The following GPC5 variants were observed in gnomAD, a reference collection of about 807,000 sequenced individuals.
GPC5 encodes the protein glypican-5.
In GPC5, 47 loss-of-function variants were observed where a neutral mutation model predicts 53.9. That is an observed-to-expected ratio of 0.87 (90% CI 0.69 to 1.11). The LOEUF (loss-of-function observed/expected upper bound fraction) is 1.11. Among genes scored for constraint, GPC5 ranks in the 50% most tolerant of loss-of-function variants. GPC5 has a pLI of 0.00. For missense variants in GPC5, 748 were observed against 713.1 expected, an observed-to-expected ratio of 1.05 and a Z score of -0.56; for synonymous variants, 286 against 263.3, an observed-to-expected ratio of 1.09 and a Z score of -0.84.
chr13:91,450,767 A>G (rs1315313399), intron 2 of GPC5, among the ~76,000 whole-genome samples: 1 of 152,082 alleles, frequency 6.6e-6, no homozygotes, highest in African/African-American at 2.4e-5. Context: ...ACATTCTTAA[A>G]TATGATTTTT....
At chr13:91,420,803 G>C (rs1878567316) in intron 1 of GPC5, among the ~76,000 whole-genome samples, 1 of 152,144 alleles carries the variant, frequency 6.6e-6, no homozygotes, top group Non-Finnish European at 1.5e-5. Flanking sequence ...TCTCTCTCTG[G>C]TTGCCTTGTG....
chr13:92,586,096 A>T (rs1335566281), intron 7 of GPC5, among the ~76,000 whole-genome samples: 1 of 152,206 alleles, frequency 6.6e-6, no homozygotes, highest in Non-Finnish European at 1.5e-5. Flanking sequence ...TATTGTGAAC[A>T]TGCAACTCGT....
chr13:92,396,826 G>T lies in GPC5; in HGVS notation c.1561+251837G>T, dbSNP rs188499612. 3.9e-5 allele frequency among the ~76,000 whole-genome samples: 6 copies of T among 152,300 alleles called. No individual in the cohort carries two copies. The East Asian group carries it at 1.2e-3, about 29-fold the overall frequency. On this transcript the variant is annotated intron_variant, in intron 7 of 7. Transcript: ENST00000377067. ...TTCTCTGGACTGTGACCTTTGCATA[G>T]CTCCTTATCCCACTTTGGTGAGACA... is the stretch of plus-strand genomic sequence containing the variant.
intron 5 of GPC5, among the ~76,000 whole-genome samples, chr13:91,770,376 A>G (rs889636972): frequency 2.0e-5 from 3 of 152,152 alleles, no homozygotes; most frequent in South Asian, 2.1e-4. Flanking sequence ...GATTAACTCC[A>G]TTCCCAGCCC....
At chr13:91,669,593 G>T (rs575760429) in intron 2 of GPC5, among the ~76,000 whole-genome samples, 14 of 152,202 alleles carry the variant, frequency 9.2e-5, no homozygotes, top group Non-Finnish European at 2.1e-4. Flanking sequence ...TTACTGAGAC[G>T]ATAACAGCTG....
chr13:92,488,375 A>G (rs760185998), intron 7 of GPC5, among the ~76,000 whole-genome samples: 3 of 152,170 alleles, frequency 2.0e-5, no homozygotes, highest in Non-Finnish European at 2.9e-5. Context: ...CTTCAGATCC[A>G]CTTCATTTCC....
In GPC5 at chr13:92,277,128, A is replaced by G. The variant is rs956062754; in HGVS notation, c.1561+132139A>G. On this transcript the variant is annotated intron_variant, in intron 7 of 7. Coordinates refer to ENST00000377067, the MANE Select transcript of GPC5 (RefSeq NM_004466.6). ...TTTTGCCTTATTTCTTACCATTATT[A>G]TTATTATTAAGTAATATAACATTGA... Among the ~76,000 whole-genome samples the G allele has an allele frequency of 3.3e-5, 5 of 151,990 alleles. No homozygotes were observed. The East Asian group carries it at 5.8e-4, about 18-fold the overall frequency.
At chr13:91,511,766 T>C (rs1594189505) in intron 2 of GPC5, among the ~76,000 whole-genome samples, 1 of 152,150 alleles carries the variant, frequency 6.6e-6, no homozygotes, top group African/African-American at 2.4e-5. Context: ...TATCTACCCT[T>C]TCTATTATAT....
chr13:91,408,845 G>A (rs1024352885), intron 1 of GPC5, among the ~76,000 whole-genome samples: 8 of 151,806 alleles, frequency 5.3e-5, no homozygotes, highest in Non-Finnish European at 1.0e-4. Context: ...AATAATCTTC[G>A]CAGCTATTTT....
chr13:92,602,193 TATAA>T (rs1179580693), intron 7 of GPC5, among the ~76,000 whole-genome samples: 7 of 139,662 alleles, frequency 5.0e-5, no homozygotes, highest in African/African-American at 1.9e-4. Context: ...ATTACATATA[TATAA>T]ATATATATAT....
At position 91,399,119 on chromosome 13, in the gene GPC5, G is replaced by A. The variant is rs1264953563; in HGVS notation, c.73G>A (p.Glu25Lys). 2 of 1,610,708 alleles carry A rather than the reference G, an allele frequency of 1.2e-6. No homozygotes were observed. Among genetic ancestry groups the A allele is most frequent in the Non-Finnish European group, 1.7e-6 (2 of 1,178,630 alleles). Residue 25 changes from glutamate (E) to lysine (K), a missense_variant, in exon 1 of 8, where the codon GAG (glutamate) becomes AAG (lysine). Coordinates refer to ENST00000377067, the MANE Select transcript of GPC5 (RefSeq NM_004466.6). ...LLALVGSARS[E>K]GVQTCEEVRK... ...GGCCCTGGTTGGGTCCGCCCGCAGC[G>A]AGGGCGTGCAGACCTGCGAAGAAGT...
In GPC5 at chr13:92,747,007, G is replaced by A. The variant is rs117349244; in HGVS notation, c.1562-119275G>A. Among the ~76,000 whole-genome samples the A allele has an allele frequency of 7.0e-3, 1,068 of 152,158 alleles. 37 individuals carry two copies. Among genetic ancestry groups the A allele is most frequent in the Admixed American group, 0.045 (681 of 15,268 alleles). On this transcript the variant is annotated intron_variant, in intron 7 of 7. Coordinates refer to ENST00000377067, the MANE Select transcript of GPC5 (RefSeq NM_004466.6). ...ACAGCAAGTTACTACATTACATAGC[G>A]CAGGCAATTGTAACACAATGGTATT...
At chr13:92,126,954 T>A (rs1237871977) in intron 6 of GPC5, among the ~76,000 whole-genome samples, 1 of 152,148 alleles carries the variant, frequency 6.6e-6, no homozygotes, top group East Asian at 1.9e-4. Flanking sequence ...TCCATCAATA[T>A]TTAAGTGCAA....
At chr13:91,597,029 G>T (rs1191790878) in intron 2 of GPC5, among the ~76,000 whole-genome samples, 1 of 152,022 alleles carries the variant, frequency 6.6e-6, no homozygotes, top group Non-Finnish European at 1.5e-5. Flanking sequence ...AAATCTTCCT[G>T]GCTCTGCATG....
intron 7 of GPC5, among the ~76,000 whole-genome samples, chr13:92,804,169 A>G (rs1368716888): frequency 6.6e-6 from 1 of 151,996 alleles, no homozygotes; most frequent in Non-Finnish European, 1.5e-5. Flanking sequence ...TTGTCCTGTA[A>G]TATTTAGTGC....
rs1185653440 is a variant in GPC5 at position 91,636,437 on chromosome 13, A to ATATACACG, written c.326-56749_326-56748insATACACGT. ...ATACACGTGTGTGCAGTGTGTGTGT[A>ATATACACG]TTTGTGTGTGTGTATTTGTGTGTAT... On this transcript the variant is annotated intron_variant, in intron 2 of 7. Coordinates refer to ENST00000377067, the MANE Select transcript of GPC5 (RefSeq NM_004466.6). 7.8e-3 allele frequency among the ~76,000 whole-genome samples: 1,183 copies of ATATACACG among 151,494 alleles called. 17 individuals are homozygous for ATATACACG. The highest frequency in any genetic ancestry group is 0.027 in the African/African-American group (1,106 of 41,218).
intron 7 of GPC5, among the ~76,000 whole-genome samples, chr13:92,545,933 C>G (rs966458306): frequency 6.6e-6 from 1 of 152,138 alleles, no homozygotes; most frequent in Non-Finnish European, 1.5e-5. Flanking sequence ...AATTAGATCC[C>G]ATTTGTCAAT....
chr13:92,091,494 A>T (rs1350810643), intron 6 of GPC5, among the ~76,000 whole-genome samples: 2 of 151,942 alleles, frequency 1.3e-5, no homozygotes, highest in African/African-American at 4.8e-5. Flanking sequence ...TTTATAAATG[A>T]ACAACGCATT....
chr13:92,729,402 G>A (rs1369441975), intron 7 of GPC5, among the ~76,000 whole-genome samples: 1 of 151,346 alleles, frequency 6.6e-6, no homozygotes, highest in Non-Finnish European at 1.5e-5. Flanking sequence ...AACACACAAT[G>A]TATTTCAAAA....
Sources: allele counts gnomAD v4.1 joint callset (sites outside exome capture counted in the v4.1 genomes callset), GRCh38; gene constraint gnomAD v4.1.1; transcripts MANE v1.5; gene names NCBI Gene and HGNC (gene_info 2026-07-23, HGNC 2026-07-21).